KANSL1: variants seen among roughly 807,000 people sequenced by gnomAD.
KANSL1 encodes the protein MLL1/MLL complex subunit KANSL1.
A neutral mutation model predicts 103.6 loss-of-function variants in KANSL1; 22 were observed. The ratio of observed to expected loss-of-function variants is 0.21; its 90% CI spans 0.15 to 0.30. The LOEUF (loss-of-function observed/expected upper bound fraction) is 0.30, where lower values mean the gene tolerates loss of function less well. Ranked by LOEUF, KANSL1 falls within the 10% of genes least tolerant of loss-of-function variation. The pLI is 1.00. For synonymous variants in KANSL1, 600 were observed against 527.6 expected (o/e 1.14, Z -1.88); for missense variants, 1,337 against 1,399.8 (o/e 0.96, Z 0.72).
chr17:46,136,764 C>A (rs2044165374), intron 2 of KANSL1, among the ~76,000 whole-genome samples: 1 of 152,048 alleles, frequency 6.6e-6, no homozygotes, highest in South Asian at 2.1e-4. Context: ...TAAATAAAAC[C>A]AAAAGAAGAA....
intron 6 of KANSL1, among the ~76,000 whole-genome samples, chr17:46,059,548 G>A (rs1011819088): frequency 1.3e-5 from 2 of 150,992 alleles, no homozygotes; most frequent in Non-Finnish European, 1.5e-5. Flanking sequence ...ATATGAACCC[G>A]GGAGGCAGAC....
chr17:46,218,779 T>C (rs578090814), intron 1 of KANSL1, among the ~76,000 whole-genome samples: 56 of 148,630 alleles, frequency 3.8e-4, no homozygotes, highest in Admixed American at 1.6e-3. Flanking sequence ...CAAGACTCCA[T>C]CTCAAAAAAA....
intron 3 of KANSL1, among the ~76,000 whole-genome samples, chr17:46,085,130 T>A (rs2079118252): frequency 6.6e-6 from 1 of 152,132 alleles, no homozygotes; most frequent in Non-Finnish European, 1.5e-5. Context: ...AATCTCATCA[T>A]CTCCTAGACA....
intron 1 of KANSL1, chr17:46,221,129 G>A (rs1442208625): frequency 2.0e-5 from 3 of 149,180 alleles, no homozygotes; most frequent in Non-Finnish European, 2.9e-5. Flanking sequence ...TTAACTGTCT[G>A]CCTTGCAGAT....
rs1157703961 is a variant in KANSL1 at position 46,171,595 on chromosome 17, G to A, written c.549C>T (p.Leu183=). The A allele has an allele frequency of 1.9e-6, 3 of 1,589,570 alleles. No homozygotes were observed. The highest frequency in any genetic ancestry group is 1.4e-5 in the African/African-American group (1 of 73,506). Reference sequence around the variant, plus strand: ...CACCCCCATGAAGAGCAGATGAAGTGAGAGCCCGTTTTCCCCCATTGAGGG... The same window carrying A: ...CACCCCCATGAAGAGCAGATGAAGTAAGAGCCCGTTTTCCCCCATTGAGGG... ...STSLNGGKRA[L]TSSALHGGEM... is the part of the protein sequence containing the mutation. Residue 183 remains leucine (L), a synonymous_variant, in exon 2 of 15, where the codon CTC becomes CTT. Coordinates refer to ENST00000432791, the MANE Select transcript of KANSL1 (RefSeq NM_015443.4).
rs2077678463 is a variant in KANSL1, at chr17:46,050,628, T to C, written c.1925A>G (p.Asn642Ser). The C allele has an allele frequency of 1.2e-6, 2 of 1,614,072 alleles. No individual in the cohort carries two copies. Among genetic ancestry groups the C allele is most frequent in the East Asian group, 2.2e-5 (1 of 44,892 alleles). The change falls in exon 7 of 15, where the codon AAC becomes AGC. Residue 642 changes from asparagine to serine, a missense_variant. Around this residue, in one of 2 missense-constraint regions of KANSL1, gnomAD observed 780 missense variants for 923.4 expected, o/e 0.84. Transcript: ENST00000432791. ...ATAGTGAATTTCGGGAGGCATGGTG[T>C]TGATGCTGCCTGAACCACACAGTGC... Reference protein sequence around the residue: ...SCALCGSGSINTMPPEIHYEA... With the variant: ...SCALCGSGSISTMPPEIHYEA...
chr17:46,170,765 A>C, intron 2 of KANSL1, 90 bp downstream of exon 2: 1 of 1,379,778 alleles, frequency 7.2e-7, no homozygotes. Flanking sequence ...CTATGTACAA[A>C]GAATCACATT....
chr17:46,170,102 A>C (rs1423769424), intron 2 of KANSL1, among the ~76,000 whole-genome samples: 4 of 152,142 alleles, frequency 2.6e-5, no homozygotes, highest in Non-Finnish European at 5.9e-5. Flanking sequence ...AGATCGCACT[A>C]CTGCACTCCT....
intron 3 of KANSL1, among the ~76,000 whole-genome samples, chr17:46,090,945 G>A (rs2079361012): frequency 1.3e-5 from 2 of 152,200 alleles, no homozygotes; most frequent in Admixed American, 1.3e-4. Flanking sequence ...ATAATAAAAA[G>A]TGTTATGTAT....
rs2042196392 is a variant in KANSL1, at chr17:46,099,041, C to CTATATAAACTCAGCTTATCAGA, written c.1290-4341_1290-4340insTCTGATAAGCTGAGTTTATATA. Reference sequence around the variant, plus strand: ...TCTTTTGTTCCTTAACAAATACAAGCGGCCGGGCGCGGTGGCTCACGCTTG... The same window carrying CTATATAAACTCAGCTTATCAGA: ...TCTTTTGTTCCTTAACAAATACAAGCTATATAAACTCAGCTTATCAGAGGCCGGGCGCGGTGGCTCACGCTTG... On this transcript the variant is annotated intron_variant, in intron 2 of 14. Coordinates refer to ENST00000432791, the MANE Select transcript of KANSL1 (RefSeq NM_015443.4). 7.3e-4 allele frequency among the ~76,000 whole-genome samples: 108 copies of CTATATAAACTCAGCTTATCAGA among 148,640 alleles called. 1 individual carries two copies. Among genetic ancestry groups the CTATATAAACTCAGCTTATCAGA allele is most frequent in the South Asian group, 1.5e-3 (7 of 4,782 alleles).
At position 46,171,199 on chromosome 17, in the gene KANSL1, C is replaced by A; in HGVS notation, c.945G>T (p.Arg315Ser). The A allele has an allele frequency of 6.2e-7, 1 of 1,614,120 alleles. No homozygotes were observed. ...LQVVQAKQVERHIQHQLGGFL... is the reference protein window; with the variant it reads ...LQVVQAKQVESHIQHQLGGFL... ...ATCCACCCAGCTGATGTTGTATATG[C>A]CTCTCAACCTGCTTGGCTTGCACAA... Residue 315 changes from arginine (R) to serine (S), a missense_variant, in exon 2 of 15, where the codon AGG (arginine) becomes AGT (serine). By Grantham distance (110) the Arg-to-Ser change is moderately radical. This residue lies in a region of KANSL1 where 557 missense variants were observed against 476.4 expected (regional missense o/e 1.17). Coordinates refer to ENST00000432791, the MANE Select transcript of KANSL1 (RefSeq NM_015443.4).
intron 2 of KANSL1, among the ~76,000 whole-genome samples, chr17:46,162,502 C>T (rs1464394071): frequency 6.6e-6 from 1 of 152,234 alleles, no homozygotes; most frequent in African/African-American, 2.4e-5. Context: ...TCCATCTTGA[C>T]ATATCCATCC....
chr17:46,188,043 T>C (rs564848665), intron 1 of KANSL1, among the ~76,000 whole-genome samples: 52 of 152,372 alleles, frequency 3.4e-4, no homozygotes, highest in African/African-American at 1.2e-3. Context: ...TTTTCTCCTA[T>C]GTATTTTGTT....
intron 7 of KANSL1, among the ~76,000 whole-genome samples, chr17:46,049,246 T>C (rs1373149692): frequency 1.4e-5 from 2 of 140,772 alleles, no homozygotes; most frequent in Non-Finnish European, 3.1e-5. Flanking sequence ...AGACCTTTTT[T>C]TTTTTTTTTT....
chr17:46,085,346 C>T (rs191951880), intron 3 of KANSL1, among the ~76,000 whole-genome samples: 1 of 152,284 alleles, frequency 6.6e-6, no homozygotes, highest in Admixed American at 6.5e-5. Flanking sequence ...GAAAATGTCC[C>T]GGGTTAATGA....
At chr17:46,053,028 C>CTGTA (rs1334817883) in intron 6 of KANSL1, among the ~76,000 whole-genome samples, 1 of 131,478 alleles carries the variant, frequency 7.6e-6, no homozygotes, top group African/African-American at 2.9e-5. Flanking sequence ...TGGCTCACGC[C>CTGTA]TGTAATCCCA....
At chr17:46,061,233 CTTT>C (rs1011347408) in intron 6 of KANSL1, among the ~76,000 whole-genome samples, 10 of 152,174 alleles carry the variant, frequency 6.6e-5, no homozygotes, top group African/African-American at 2.2e-4. Context: ...AAACTACATT[CTTT>C]TCTTTTTTAA....
intron 1 of KANSL1, among the ~76,000 whole-genome samples, chr17:46,217,488 T>C (rs572921921): frequency 1.2e-3 from 179 of 148,346 alleles, no homozygotes; most frequent in Non-Finnish European, 1.9e-3. Context: ...AAAAAAGAGA[T>C]AGGATCTTCA....
intron 2 of KANSL1, among the ~76,000 whole-genome samples, chr17:46,100,398 C>T (rs987735423): frequency 3.4e-4 from 51 of 148,872 alleles, no homozygotes; most frequent in Non-Finnish European, 6.1e-4. Context: ...CCAGACCACA[C>T]GCCACTGCCC....
Sources: gnomAD v4.1 joint callset for allele counts (sites outside exome capture counted in the v4.1 genomes callset) on GRCh38, gnomAD v4.1.1 for gene constraint, gnomAD v4.1.1 regional missense constraint, MANE v1.5 for transcripts, NCBI Gene and HGNC (gene_info 2026-07-23, HGNC 2026-07-21) for gene names.